Variants in GRM8 observed in about 807,000 individuals in gnomAD.
GRM8 encodes the protein glutamate metabotropic receptor 8, also known as metabotropic glutamate receptor 8.
GRM8 carries 47 observed loss-of-function variants against 87.2 expected under a neutral mutation model. The observed-to-expected ratio is 0.54, with a 90% CI of 0.43 to 0.69. The LOEUF is 0.69. Among genes scored for constraint, GRM8 ranks in the 30% least tolerant of loss-of-function variants. GRM8 has a pLI of 0.00. For synonymous variants in GRM8, 396 were observed against 404.5 expected (o/e 0.98, Z 0.25); for missense variants, 1,019 against 1,139.2 (o/e 0.89, Z 1.52).
At chr7:126,471,472 C>T (rs1251858408) in intron 9 of GRM8, among the ~76,000 whole-genome samples, 1 of 151,932 alleles carries the variant, frequency 6.6e-6, no homozygotes, top group Admixed American at 6.6e-5. Context: ...GCTTGTTTTT[C>T]TCAGGTTTGT....
At chr7:127,085,684 C>A (rs374461283) in intron 3 of GRM8, among the ~76,000 whole-genome samples, 4 of 152,254 alleles carry the variant, frequency 2.6e-5, no homozygotes, top group South Asian at 4.1e-4. Context: ...TGTTTAAGTT[C>A]TTTGTAGATT....
chr7:126,584,212 A>G (rs1795880433), intron 8 of GRM8, among the ~76,000 whole-genome samples: 1 of 149,474 alleles, frequency 6.7e-6, no homozygotes, highest in East Asian at 2.0e-4. Flanking sequence ...AGACTAGAGT[A>G]TACTGTAAAG....
intron 9 of GRM8, among the ~76,000 whole-genome samples, chr7:126,477,252 G>C (rs1401263340): frequency 6.6e-6 from 1 of 151,974 alleles, no homozygotes; most frequent in Non-Finnish European, 1.5e-5. Flanking sequence ...GGGGGAAATG[G>C]GGTAATGTTG....
At chr7:127,049,115 C>T (rs1206171231) in intron 3 of GRM8, among the ~76,000 whole-genome samples, 5 of 151,984 alleles carry the variant, frequency 3.3e-5, no homozygotes, top group African/African-American at 1.2e-4. Flanking sequence ...TTTAAGCCTG[C>T]TGACTGATAG....
chr7:127,156,517 C>T (rs1366158907), intron 2 of GRM8, among the ~76,000 whole-genome samples: 1 of 152,162 alleles, frequency 6.6e-6, no homozygotes, highest in Non-Finnish European at 1.5e-5. Flanking sequence ...ATGCTAACCT[C>T]AAGTACAGGC....
chr7:126,514,419 G>A (rs1438907265), intron 9 of GRM8, among the ~76,000 whole-genome samples: 2 of 152,118 alleles, frequency 1.3e-5, no homozygotes, highest in African/African-American at 4.8e-5. Flanking sequence ...TTAAATCCCT[G>A]TTTTACAACT....
chr7:126,502,809 CAGAGTTA>C (rs1298816779), intron 9 of GRM8, among the ~76,000 whole-genome samples: 1 of 151,934 alleles, frequency 6.6e-6, no homozygotes, highest in Non-Finnish European at 1.5e-5. Context: ...AATATGGACT[CAGAGTTA>C]AAAGAGTAGA....
chr7:126,565,328 C>G (rs555879151), intron 8 of GRM8, among the ~76,000 whole-genome samples: 1 of 152,092 alleles, frequency 6.6e-6, no homozygotes, highest in African/African-American at 2.4e-5. Context: ...AAACAAAACA[C>G]TGTTAGAACA....
intron 3 of GRM8, among the ~76,000 whole-genome samples, chr7:126,938,835 A>G (rs971263670): frequency 2.6e-5 from 4 of 152,196 alleles, no homozygotes; most frequent in African/African-American, 9.6e-5. Flanking sequence ...ATAAAATCAC[A>G]TAGTATACAG....
At chr7:127,083,033 A>G (rs933916116) in intron 3 of GRM8, among the ~76,000 whole-genome samples, 4 of 152,198 alleles carry the variant, frequency 2.6e-5, no homozygotes, top group Non-Finnish European at 5.9e-5. Flanking sequence ...TCAGTCCTTC[A>G]CCTGATGGGA....
intron 3 of GRM8, among the ~76,000 whole-genome samples, chr7:127,023,118 T>C (rs1303944410): frequency 6.6e-6 from 1 of 152,066 alleles, no homozygotes; most frequent in Non-Finnish European, 1.5e-5. Context: ...ATGTTTTCGG[T>C]AGTACTTTGG....
Position 126,835,765 on chromosome 7 carries a change from G to A in GRM8, c.1157-65700C>T, listed in dbSNP as rs1223067307. ...ATTATGTGGATAATCCCATCTCTAT[G>A]TCCTGTCTCTCAAAAACTTTAGAAA... On this transcript the variant is annotated intron_variant, in intron 6 of 10. Transcript: ENST00000339582. 2.6e-5 allele frequency among the ~76,000 whole-genome samples: 4 copies of A among 152,162 alleles called. No individual in the cohort carries two copies. In the East Asian group the frequency reaches 7.7e-4, roughly 29 times the overall value.
intron 6 of GRM8, among the ~76,000 whole-genome samples, chr7:126,791,351 C>G (rs1396272480): frequency 6.6e-6 from 1 of 152,182 alleles, no homozygotes; most frequent in East Asian, 1.9e-4. Context: ...TTCAGAGTTA[C>G]TATAATCTTT....
At chr7:127,181,449 C>T (rs1225911775) in intron 2 of GRM8, among the ~76,000 whole-genome samples, 1 of 151,930 alleles carries the variant, frequency 6.6e-6, no homozygotes, top group Admixed American at 6.6e-5. Flanking sequence ...TCAACACATT[C>T]CCCATCAAAA....
rs926045836 is a variant in GRM8, at chr7:127,019,278, A to T, written c.727+87218T>A. ...ATTGAAAACTGGTATATTTAAAGAC[A>T]CAGTTGTCACATCATAACATTGTCC... On this transcript the variant is annotated intron_variant, in intron 3 of 10. Transcript: ENST00000339582. 3.3e-5 allele frequency among the ~76,000 whole-genome samples: 5 copies of T among 152,108 alleles called. No individual in the cohort carries two copies. The East Asian group carries it at 9.7e-4, about 29-fold the overall frequency.
intron 8 of GRM8, among the ~76,000 whole-genome samples, chr7:126,552,468 A>ATGTGCT (rs1792692218): frequency 6.6e-6 from 1 of 152,182 alleles, no homozygotes; most frequent in Admixed American, 6.5e-5. Context: ...GCATAAACAT[A>ATGTGCT]ATAAAGCAAA....
chr7:126,796,837 G>A lies in GRM8; in HGVS notation c.1157-26772C>T, dbSNP rs187072538. The stretch of plus-strand genomic sequence containing the variant: ...CATTATTCCCAGAAACAATTTTGGA[G>A]GACCCACTGGGGCTTGTCTCAATTC... On this transcript the variant is annotated intron_variant, in intron 6 of 10. Transcript: ENST00000339582. Among the ~76,000 whole-genome samples, 12 of 152,130 alleles carry A rather than the reference G, an allele frequency of 7.9e-5. No homozygotes were observed. The East Asian group carries it at 2.3e-3, about 29-fold the overall frequency.
chr7:126,935,919 T>A (rs1806265994), intron 3 of GRM8, among the ~76,000 whole-genome samples: 1 of 152,182 alleles, frequency 6.6e-6, no homozygotes, highest in Non-Finnish European at 1.5e-5. Flanking sequence ...AGGTTCAGTG[T>A]TTTCAGGGGC....
intron 9 of GRM8, among the ~76,000 whole-genome samples, chr7:126,452,207 T>C (rs1373064815): frequency 6.8e-6 from 1 of 146,858 alleles, no homozygotes; most frequent in Non-Finnish European, 1.5e-5. Context: ...CATGGTATGT[T>C]CTCACTCATA....
Sources: gnomAD v4.1 joint callset for allele counts (sites outside exome capture counted in the v4.1 genomes callset) on GRCh38, gnomAD v4.1.1 for gene constraint, MANE v1.5 for transcripts, NCBI Gene and HGNC (gene_info 2026-07-23, HGNC 2026-07-21) for gene names.